CCNL2: variants seen among roughly 807,000 people sequenced by gnomAD.
The protein encoded by CCNL2 is cyclin L2, also known as cyclin-L2.
A neutral mutation model predicts 59.1 loss-of-function variants in CCNL2; 28 were observed. That is an observed-to-expected ratio of 0.47 (90% CI 0.35 to 0.65). The LOEUF is 0.65. Ranked by LOEUF, CCNL2 falls within the 30% of genes least tolerant of loss-of-function variation. CCNL2 has a pLI of 0.00. For synonymous variants in CCNL2, 342 were observed against 288.6 expected (o/e 1.19, Z -1.88); for missense variants, 714 against 717.4 (o/e 1.00, Z 0.05).
intron 3 of CCNL2, among the ~76,000 whole-genome samples, chr1:1,397,848 G>A (rs1023745682): frequency 6.6e-6 from 1 of 152,166 alleles, no homozygotes; most frequent in Non-Finnish European, 1.5e-5. Flanking sequence ...CTGGACAACA[G>A]GAAACCTGTC....
Position 1,399,114 on chromosome 1 carries a change from T to C in CCNL2, c.193A>G (p.Met65Val). 6.2e-7 allele frequency: 1 copy of C among 1,611,936 alleles called. No homozygotes were observed. Among genetic ancestry groups the C allele is most frequent in the South Asian group, 1.1e-5 (1 of 90,964 alleles). ...GTGTCGGTGTCGAGGCCGCTCGACA[T>C]GGACGGCGTGAAACGGAGCTTGTCG... ...PDDKLRFTPS[M>V]SSGLDTDTET... is the part of the protein sequence containing the mutation. Residue 65 changes from methionine (M) to valine (V), a missense_variant, in exon 1 of 11, where the codon ATG becomes GTG. Met to Val is a conservative substitution (Grantham distance 21, BLOSUM62 1). Around this residue, in one of 5 missense-constraint regions of CCNL2, gnomAD observed 270 missense variants for 254.9 expected, o/e 1.06. Transcript: ENST00000400809.
At chr1:1,398,195 G>C (rs375604677) in intron 3 of CCNL2, 38 bp downstream of exon 3, 7 of 1,580,850 alleles carry the variant, frequency 4.4e-6, no homozygotes, top group Admixed American at 1.7e-5. Context: ...AAAGAAAATA[G>C]GCATCTATGA....
intron 3 of CCNL2, 55 bp downstream of exon 3, chr1:1,398,178 C>A: frequency 6.5e-7 from 1 of 1,533,836 alleles, no homozygotes; most frequent in South Asian, 1.1e-5. Flanking sequence ...GTAACTTAAT[C>A]AGAAATAAAG....
chr1:1,390,924 C>T (rs1644731135), intron 5 of CCNL2, 59 bp from the exon 6 acceptor site: 2 of 1,374,742 alleles, frequency 1.5e-6, no homozygotes, highest in South Asian at 1.2e-5. Flanking sequence ...GGTCTTCCGC[C>T]TGCATTATCT....
chr1:1,397,518 G>A (rs914913397), intron 3 of CCNL2, among the ~76,000 whole-genome samples: 1 of 152,126 alleles, frequency 6.6e-6, no homozygotes, highest in African/African-American at 2.4e-5. Flanking sequence ...AGTGAGTCGA[G>A]ACCAGGGATG....
intron 6 of CCNL2, 34 bp downstream of exon 6, chr1:1,390,732 G>T: frequency 1.3e-6 from 2 of 1,591,660 alleles, no homozygotes; most frequent in Non-Finnish European, 1.7e-6. Flanking sequence ...AAAAAAATCA[G>T]ACTAGAATCT....
Position 1,390,881 on chromosome 1 carries a change from AGG to A in CCNL2, c.660-18_660-17del. 1.2e-6 allele frequency: 2 copies of A among 1,608,724 alleles called. No homozygotes were observed. Among genetic ancestry groups the A allele is most frequent in the Non-Finnish European group, 1.7e-6 (2 of 1,175,138 alleles). ...CATGTAATTCCTGGAAGCCAAACACAGGAAGAACTGCAATGCCCCACCCGGGA... is the reference window on the plus strand; with the variant it reads ...CATGTAATTCCTGGAAGCCAAACACAAAGAACTGCAATGCCCCACCCGGGA... On this transcript the variant is annotated splice_polypyrimidine_tract_variant and intron_variant, in intron 5 of 10. Coordinates refer to ENST00000400809, the MANE Select transcript of CCNL2 (RefSeq NM_030937.6).
chr1:1,397,643 T>C (rs1260821684), intron 3 of CCNL2, among the ~76,000 whole-genome samples: 1 of 152,112 alleles, frequency 6.6e-6, no homozygotes, highest in Admixed American at 6.6e-5. Context: ...CAGCAAATCC[T>C]TGGAGCCCAG....
intron 3 of CCNL2, among the ~76,000 whole-genome samples, chr1:1,395,774 G>T (rs139017531): frequency 7.9e-4 from 120 of 152,256 alleles, no homozygotes; most frequent in African/African-American, 2.2e-3. Context: ...ACCGAACATA[G>T]CAAGTTTTAG....
intron 3 of CCNL2, among the ~76,000 whole-genome samples, chr1:1,396,930 T>C (rs1253474236): frequency 6.6e-6 from 1 of 151,918 alleles, no homozygotes; most frequent in African/African-American, 2.4e-5. Flanking sequence ...TTTGTATTTT[T>C]AGTAGACGGG....
At chr1:1,390,735 T>C (rs751753821) in intron 6 of CCNL2, 31 bp downstream of exon 6, 1 of 1,595,906 alleles carries the variant, frequency 6.3e-7, no homozygotes, top group Non-Finnish European at 8.6e-7. Flanking sequence ...AAAATCAGAC[T>C]AGAATCTCTC....
intron 10 of CCNL2, 66 bp downstream of exon 10, chr1:1,387,711 A>G (rs1424256267): frequency 1.4e-6 from 2 of 1,473,716 alleles, no homozygotes; most frequent in African/African-American, 1.4e-5. Flanking sequence ...TCAGGGTGAG[A>G]ATGATTACCC....
intron 3 of CCNL2, among the ~76,000 whole-genome samples, chr1:1,395,835 G>C (rs1569987574): frequency 6.6e-6 from 1 of 152,182 alleles, no homozygotes; most frequent in Non-Finnish European, 1.5e-5. Context: ...CGATAGGAAG[G>C]TACATATTCA....
chr1:1,398,174 T>C, intron 3 of CCNL2, 59 bp downstream of exon 3: 1 of 1,513,902 alleles, frequency 6.6e-7, no homozygotes, highest in Non-Finnish European at 9.2e-7. Flanking sequence ...TACTGTAACT[T>C]AATCAGAAAT....
At chr1:1,393,948 G>A (rs1296026897) in intron 4 of CCNL2, among the ~76,000 whole-genome samples, 3 of 152,118 alleles carry the variant, frequency 2.0e-5, no homozygotes, top group Non-Finnish European at 2.9e-5. Flanking sequence ...CCAATATGGA[G>A]AAACCCAGTC....
At chr1:1,392,183 T>C in intron 5 of CCNL2, 1 of 434,490 alleles carries the variant, frequency 2.3e-6, no homozygotes, top group Non-Finnish European at 3.1e-6. Flanking sequence ...ACAGATACAT[T>C]CAACAATCAG....
intron 4 of CCNL2, among the ~76,000 whole-genome samples, chr1:1,394,506 T>C (rs1644910001): frequency 1.3e-5 from 2 of 152,054 alleles, no homozygotes; most frequent in South Asian, 4.1e-4. Context: ...TCCCAGAACT[T>C]TGGGAGGCCG....
At chr1:1,387,742 G>C in intron 10 of CCNL2, 35 bp downstream of exon 10, 1 of 1,553,164 alleles carries the variant, frequency 6.4e-7, no homozygotes, top group Non-Finnish European at 8.8e-7. Flanking sequence ...CCCCACCCCG[G>C]TATCGGCCTC....
In CCNL2 at chr1:1,387,505, C is replaced by A; in HGVS notation, c.1289G>T (p.Arg430Ile). ...GTAGGGAGCGCTGCGGGGGGCCTGTCTCGGTGGGGAGTCACTCCTGCTCCG... is the reference window on the plus strand; with the variant it reads ...GTAGGGAGCGCTGCGGGGGGCCTGTATCGGTGGGGAGTCACTCCTGCTCCG... The part of the protein sequence containing the change: ...RSRSRSDSPP[R>I]QAPRSAPYKG... The change falls in exon 11 of 11, where the codon AGA (arginine) becomes ATA (isoleucine). Residue 430 changes from arginine to isoleucine, a missense_variant. Arg to Ile is a moderately conservative substitution (Grantham distance 97). Transcript: ENST00000400809. 1 of 1,582,020 alleles carries A rather than the reference C, an allele frequency of 6.3e-7. No homozygotes were observed. Among genetic ancestry groups the A allele is most frequent in the South Asian group, 1.1e-5 (1 of 87,546 alleles).
Sources: allele counts gnomAD v4.1 joint callset (sites outside exome capture counted in the v4.1 genomes callset), GRCh38; gene constraint gnomAD v4.1.1; regional missense constraint gnomAD v4.1.1; transcripts MANE v1.5; gene names NCBI Gene and HGNC (gene_info 2026-07-23, HGNC 2026-07-21).